Variants in ACOT7 observed in about 807,000 individuals in gnomAD.
ACOT7 encodes the protein acyl-CoA thioesterase 7.
Under a neutral mutation model 40.2 loss-of-function variants are expected in ACOT7, and 12 were observed. The observed-to-expected ratio is 0.30, with a 90% CI of 0.19 to 0.48. The LOEUF is 0.48. Ranked by LOEUF, ACOT7 falls within the 20% of genes least tolerant of loss-of-function variation. ACOT7 has a pLI of 0.99. For missense variants in ACOT7, 395 were observed against 530.8 expected, an observed-to-expected ratio of 0.74 and a Z score of 2.51; for synonymous variants, 228 against 219.5, an observed-to-expected ratio of 1.04 and a Z score of -0.34.
intron 1 of ACOT7, among the ~76,000 whole-genome samples, chr1:6,362,406 G>A (rs2148467340): frequency 6.6e-6 from 1 of 151,364 alleles, no homozygotes; most frequent in South Asian, 2.1e-4. Context: ...ACTCCAGCCT[G>A]TGTGACAGAG....
chr1:6,265,588 C>T (rs1194305379), intron 8 of ACOT7, among the ~76,000 whole-genome samples: 1 of 140,352 alleles, frequency 7.1e-6, no homozygotes, highest in Non-Finnish European at 1.5e-5. Context: ...CGACGGGCTG[C>T]GATTATGAAC....
chr1:6,365,957 C>T (rs897469708), intron 1 of ACOT7, among the ~76,000 whole-genome samples: 3 of 151,088 alleles, frequency 2.0e-5, no homozygotes, highest in Non-Finnish European at 4.4e-5. Flanking sequence ...TGCAGTGGCA[C>T]GATCTTGGCT....
chr1:6,321,548 T>C lies in ACOT7; in HGVS notation c.626-2970A>G, dbSNP rs145863075. On this transcript the variant is annotated intron_variant, in intron 5 of 8. Coordinates refer to ENST00000361521, the MANE Select transcript of ACOT7 (RefSeq NM_007274.4). ...TTTCTTTTTTGAGACGGAGTCTCGC[T>C]CTGTCACCCAGGATGGAGTGCAGTG... Among the ~76,000 whole-genome samples, 550 of 152,362 alleles carry C rather than the reference T, an allele frequency of 3.6e-3. 3 individuals are homozygous for C. Among genetic ancestry groups the C allele is most frequent in the African/African-American group, 0.013 (530 of 41,598 alleles).
rs1202218882 is a variant in ACOT7 at position 6,265,736 on chromosome 1, G to C, written c.1015-1041C>G. 3.9e-5 allele frequency among the ~76,000 whole-genome samples: 6 copies of C among 152,206 alleles called. No individual in the cohort carries two copies. In the East Asian group the frequency reaches 1.2e-3, roughly 29 times the overall value. On this transcript the variant is annotated intron_variant, in intron 8 of 8. Coordinates refer to ENST00000361521, the MANE Select transcript of ACOT7 (RefSeq NM_007274.4). ...CCCTGGCTGGGAATTCAGGTTTAAT[G>C]AGCTGTGCTAATTCCTCTGGGACAT...
intron 1 of ACOT7, among the ~76,000 whole-genome samples, chr1:6,377,193 T>C (rs1310095427): frequency 1.3e-5 from 2 of 152,120 alleles, no homozygotes; most frequent in African/African-American, 4.8e-5. Flanking sequence ...CAAAGCTAAA[T>C]GTACTCTTCA....
intron 1 of ACOT7, among the ~76,000 whole-genome samples, chr1:6,353,516 C>T (rs1020749325): frequency 1.7e-4 from 26 of 151,990 alleles, no homozygotes; most frequent in Admixed American, 9.2e-4. Context: ...CACCTGCAAT[C>T]CTAGCTAGTC....
intron 6 of ACOT7, among the ~76,000 whole-genome samples, chr1:6,309,822 C>T (rs1019228627): frequency 2.6e-5 from 4 of 152,208 alleles, no homozygotes; most frequent in Non-Finnish European, 4.4e-5. Flanking sequence ...CCCCATGGAG[C>T]AGAACATTCT....
intron 2 of ACOT7, among the ~76,000 whole-genome samples, chr1:6,340,275 G>A (rs1416732562): frequency 2.6e-5 from 4 of 152,048 alleles, no homozygotes; most frequent in African/African-American, 7.2e-5. Context: ...CTAGCACCGC[G>A]CATTCCTAAA....
At chr1:6,388,097 C>T (rs530647912) in intron 1 of ACOT7, among the ~76,000 whole-genome samples, 24 of 151,372 alleles carry the variant, frequency 1.6e-4, no homozygotes, top group African/African-American at 4.8e-4. Flanking sequence ...CCCGCCACTA[C>T]GCCCAGCTAA....
chr1:6,278,071 G>T lies in ACOT7; in HGVS notation c.1014+3031C>A, dbSNP rs567179982. 6.8e-6 allele frequency among the ~76,000 whole-genome samples: 1 copy of T among 146,590 alleles called. No homozygotes were observed. Among genetic ancestry groups the T allele is most frequent in the Non-Finnish European group, 1.5e-5 (1 of 66,478 alleles). On this transcript the variant is annotated intron_variant, in intron 8 of 8. Coordinates refer to ENST00000361521, the MANE Select transcript of ACOT7 (RefSeq NM_007274.4). The surrounding 1 kb of genome is among the most constrained non-coding windows in gnomAD (Gnocchi z 4.1). ...ATGTGAGCCTGACAGTCCACGCAGC[G>T]TCTGCAGTGGCGGGGGGTGGTTGGG...
chr1:6,295,081 C>A, intron 6 of ACOT7, 101 bp from the exon 7 acceptor site: 1 of 896,192 alleles, frequency 1.1e-6, no homozygotes. Context: ...CTCCCACTAG[C>A]CACCAGCAAG....
At position 6,340,079 on chromosome 1, in the gene ACOT7, C is replaced by A. The variant is rs1463215596; in HGVS notation, c.262-490G>T. 2.6e-5 allele frequency among the ~76,000 whole-genome samples: 4 copies of A among 151,980 alleles called. No individual in the cohort carries two copies. In the East Asian group the frequency reaches 7.7e-4, roughly 29 times the overall value. On this transcript the variant is annotated intron_variant, in intron 2 of 8. Transcript: ENST00000361521. ...CTCCCAGATTCACGCCATTCTCCTG[C>A]CTCAGCCTCCCGAGTAGCTGGGACT...
At chr1:6,375,059 C>G (rs969135849) in intron 1 of ACOT7, among the ~76,000 whole-genome samples, 1 of 151,320 alleles carries the variant, frequency 6.6e-6, no homozygotes, top group Non-Finnish European at 1.5e-5. Flanking sequence ...GGGCGGATCA[C>G]AAGATCAGGA....
intron 7 of ACOT7, among the ~76,000 whole-genome samples, chr1:6,292,225 T>C (rs1639686811): frequency 6.6e-6 from 1 of 152,244 alleles, no homozygotes; most frequent in African/African-American, 2.4e-5. Flanking sequence ...ACAGTCTTTC[T>C]GTTTCTGGTA....
intron 1 of ACOT7, among the ~76,000 whole-genome samples, chr1:6,353,629 G>C (rs1046954523): frequency 6.6e-6 from 1 of 152,178 alleles, no homozygotes; most frequent in East Asian, 1.9e-4. Flanking sequence ...GTGAGACTTC[G>C]TCTCAAAAGA....
At position 6,327,352 on chromosome 1, in the gene ACOT7, C is replaced by T; in HGVS notation, c.572G>A (p.Arg191His). 6.2e-7 allele frequency: 1 copy of T among 1,614,216 alleles called. No homozygotes were observed. The highest frequency in any genetic ancestry group is 8.5e-7 in the Non-Finnish European group (1 of 1,180,042). The change falls in exon 5 of 9, where the codon CGC becomes CAC. Residue 191 changes from arginine to histidine, a missense_variant. By Grantham distance (29) the Arg-to-His change is conservative. Coordinates refer to ENST00000361521, the MANE Select transcript of ACOT7 (RefSeq NM_007274.4). ...CCCGTTCCTCCACTTGGTCTCCATG[C>T]GCTCCAGCTTCTGGGCTTCATACCG... ...RKRYEAQKLE[R>H]METKWRNGDI...
At chr1:6,291,860 G>T (rs1378225193) in intron 7 of ACOT7, among the ~76,000 whole-genome samples, 3 of 152,208 alleles carry the variant, frequency 2.0e-5, no homozygotes, top group Non-Finnish European at 4.4e-5. Flanking sequence ...AGAGCCAGCA[G>T]GGGCCGTGCC....
chr1:6,296,446 C>T (rs546304321), intron 6 of ACOT7, among the ~76,000 whole-genome samples: 10 of 147,936 alleles, frequency 6.8e-5, no homozygotes, highest in South Asian at 2.1e-4. Context: ...TTTTTTGAGA[C>T]GGAGTCTCGC....
At chr1:6,362,186 T>C (rs1353008683) in intron 1 of ACOT7, among the ~76,000 whole-genome samples, 2 of 152,040 alleles carry the variant, frequency 1.3e-5, no homozygotes, top group Non-Finnish European at 2.9e-5. Flanking sequence ...ATCCCAGCAC[T>C]TTGGGAGGCC....
Sources: gnomAD v4.1 joint callset for allele counts (sites outside exome capture counted in the v4.1 genomes callset) on GRCh38, gnomAD v4.1.1 for gene constraint, Gnocchi (gnomAD v3.1) non-coding constraint, MANE v1.5 for transcripts, NCBI Gene and HGNC (gene_info 2026-07-23, HGNC 2026-07-21) for gene names.